Variants in ZBED6 observed in about 807,000 individuals in gnomAD.
The protein encoded by ZBED6 is zinc finger BED domain-containing protein 6.
ZBED6 carries 40 observed loss-of-function variants against 58.4 expected under a neutral mutation model. That is an observed-to-expected ratio of 0.68 (90% confidence interval 0.53 to 0.89). ZBED6 has a LOEUF of 0.89. Among genes scored for constraint, ZBED6 ranks in the 40% least tolerant of loss-of-function variants. The probability of loss-of-function intolerance (pLI) is 0.00; values close to 1 mark genes in which losing one functional copy is unlikely to be tolerated. For missense variants in ZBED6, 1,057 were observed against 1,003.9 expected, an observed-to-expected ratio of 1.05 and a Z score of -0.71; for synonymous variants, 439 against 350.6, an observed-to-expected ratio of 1.25 and a Z score of -2.82.
intron 7 of ZBED6, among the ~76,000 whole-genome samples, chr1:203,830,921 C>A (rs1682056066): frequency 6.8e-6 from 1 of 146,012 alleles, no homozygotes; most frequent in Non-Finnish European, 1.5e-5. Context: ...ATTTCCAACC[C>A]CCAATTTTTT....
chr1:203,817,995 C>G (rs1676937215), intron 2 of ZBED6, among the ~76,000 whole-genome samples: 1 of 152,042 alleles, frequency 6.6e-6, no homozygotes, highest in Non-Finnish European at 1.5e-5. Context: ...GATCTGCCCG[C>G]CTCGGCCTCC....
At chr1:203,847,639 G>C (rs201804286) in exon 12 of ZBED6, 1 of 1,613,230 alleles carries the variant, frequency 6.2e-7, no homozygotes, top group Non-Finnish European at 8.5e-7. Flanking sequence ...GTCTCAACAC[G>C]AGGCCACTCC....
In ZBED6 at chr1:203,800,444, AAAAG is replaced by A. The variant is rs1558089801; in HGVS notation, c.2926_2929del (p.Glu976TyrfsTer10). 7.4e-6 allele frequency: 11 copies of A among 1,489,200 alleles called. No individual in the cohort carries two copies. Among genetic ancestry groups the A allele is most frequent in the Non-Finnish European group, 9.8e-6 (11 of 1,121,652 alleles). The allele number at this position is 1,489,200 out of a possible 1,614,324, so 92.2% of individuals were successfully genotyped here. On this transcript the variant is annotated frameshift_variant, in exon 1 of 17. Coordinates refer to ENST00000550078, the Ensembl canonical transcript of ZBED6. LOFTEE classifies it high-confidence loss of function. ...AGAATGAAGTTGTTCAAAGCAGTGAAAAAGAAATACTGCCTTAATTTCTTTTTCT... is the reference window on the plus strand; with the variant it reads ...AGAATGAAGTTGTTCAAAGCAGTGAAAAATACTGCCTTAATTTCTTTTTCT...
At chr1:203,835,265 G>A (rs1273054970) in intron 9 of ZBED6, among the ~76,000 whole-genome samples, 2 of 152,120 alleles carry the variant, frequency 1.3e-5, no homozygotes, top group Non-Finnish European at 2.9e-5. Context: ...AATTCTCATC[G>A]AATCCTTGGC....
At chr1:203,811,950 G>A (rs1304998477) in intron 1 of ZBED6, among the ~76,000 whole-genome samples, 1 of 150,902 alleles carries the variant, frequency 6.6e-6, no homozygotes, top group African/African-American at 2.4e-5. Context: ...TGAGTAGCTG[G>A]GACTATAGAT....
chr1:203,802,717 T>TC (rs1215907484), exon 1 of ZBED6: 1 of 137,560 alleles, frequency 7.3e-6, no homozygotes, highest in Non-Finnish European at 1.6e-5. Flanking sequence ...ATGAACTCTT[T>TC]TTTTTTGTTT....
chr1:203,814,192 A>G (rs1293164526), intron 1 of ZBED6, among the ~76,000 whole-genome samples: 3 of 152,088 alleles, frequency 2.0e-5, no homozygotes, highest in Admixed American at 1.3e-4. Flanking sequence ...CTTCTGCCCA[A>G]CACAACCCAA....
At chr1:203,807,649 C>T (rs1384630772) in intron 1 of ZBED6, among the ~76,000 whole-genome samples, 1 of 152,102 alleles carries the variant, frequency 6.6e-6, no homozygotes, top group Non-Finnish European at 1.5e-5. Context: ...AGCTCAGCCT[C>T]CCAAGTAGCT....
intron 1 of ZBED6, among the ~76,000 whole-genome samples, chr1:203,807,504 G>GT (rs1672774952): frequency 6.6e-6 from 1 of 151,418 alleles, no homozygotes; most frequent in African/African-American, 2.4e-5. Context: ...GTGACACAAA[G>GT]TTTTGTTTTG....
chr1:203,797,844 G>C (rs1276076524), exon 1 of ZBED6: 1 of 1,536,108 alleles, frequency 6.5e-7, no homozygotes, highest in South Asian at 1.2e-5. Context: ...CAATGACCCT[G>C]AGCAGGATGA....
rs551351104 is a variant in ZBED6, at chr1:203,837,894, G to C, written c.*3574-72G>C. On this transcript the variant is annotated intron_variant, in intron 9 of 16. Coordinates refer to ENST00000550078, the Ensembl canonical transcript of ZBED6. ...TTAACAGAATTATGCTATGTTGTCT[G>C]TTTTTGTTTGTATTTCTTGTCCTTG... 29 of 1,434,170 alleles carry C rather than the reference G, an allele frequency of 2.0e-5. No homozygotes were observed. The African/African-American group carries it at 4.0e-4, about 20-fold the overall frequency. 88.8% of individuals were successfully genotyped at this position (1,434,170 alleles called of 1,614,324 possible). A position where few individuals can be genotyped will look rare whatever the true frequency, so the allele number is the denominator to read the frequency against.
In ZBED6 at chr1:203,833,858, G is replaced by A. The variant is rs754506720; in HGVS notation, c.*3573+5G>A. 3 of 1,608,206 alleles carry A rather than the reference G, an allele frequency of 1.9e-6. No individual in the cohort carries two copies. Among genetic ancestry groups the A allele is most frequent in the Non-Finnish European group, 2.5e-6 (3 of 1,177,524 alleles). On this transcript the variant is annotated splice_donor_5th_base_variant and intron_variant, in intron 9 of 16. Coordinates refer to ENST00000550078, the Ensembl canonical transcript of ZBED6. The stretch of plus-strand genomic sequence containing the variant: ...GGAAACGAAAATTTTCAGCAGGTAA[G>A]ATAAGTTTTGTGTATATCTTTTCTT...
intron 3 of ZBED6, among the ~76,000 whole-genome samples, chr1:203,820,270 G>A (rs1180817232): frequency 6.6e-6 from 1 of 151,264 alleles, no homozygotes; most frequent in Non-Finnish European, 1.5e-5. Context: ...TTCAAGTGTT[G>A]CACATAGTTG....
At chr1:203,799,865 T>C (rs1046208534) in exon 1 of ZBED6, 2 of 1,535,754 alleles carry the variant, frequency 1.3e-6, no homozygotes, top group Non-Finnish European at 1.7e-6. Context: ...TGGAAGACTT[T>C]TTTCCTCAAG....
chr1:203,831,272 G>C (rs1316542535), intron 7 of ZBED6, among the ~76,000 whole-genome samples: 1 of 151,866 alleles, frequency 6.6e-6, no homozygotes, highest in Admixed American at 6.6e-5. Flanking sequence ...TTCTTTTAAG[G>C]CTTGCTTTAT....
At chr1:203,820,215 A>T (rs1238769541) in intron 3 of ZBED6, among the ~76,000 whole-genome samples, 1 of 151,170 alleles carries the variant, frequency 6.6e-6, no homozygotes, top group Non-Finnish European at 1.5e-5. Context: ...GGCCTGGGTG[A>T]CAGGGCGAGA....
chr1:203,820,678 C>T (rs772456243), intron 3 of ZBED6, among the ~76,000 whole-genome samples: 22 of 151,828 alleles, frequency 1.4e-4, no homozygotes, highest in Non-Finnish European at 2.8e-4. Context: ...CGAGGTTTCG[C>T]GATGTTGGCC....
exon 1 of ZBED6, chr1:203,799,965 T>C: frequency 6.5e-7 from 1 of 1,536,134 alleles, no homozygotes; most frequent in Non-Finnish European, 8.7e-7. Context: ...AATTCCAACT[T>C]CAGAAGCTTC....
exon 17 of ZBED6, chr1:203,853,221 C>T (rs1297088920): frequency 6.6e-6 from 1 of 152,462 alleles, no homozygotes; most frequent in Admixed American, 6.6e-5. Context: ...TGAATTAACA[C>T]AGGGACAAAA....
Sources: gnomAD v4.1 joint callset for allele counts (sites outside exome capture counted in the v4.1 genomes callset) on GRCh38, gnomAD v4.1.1 for gene constraint, MANE v1.5 for transcripts, NCBI Gene and HGNC (gene_info 2026-07-23, HGNC 2026-07-21) for gene names.